ACOT12: variants seen among roughly 807,000 people sequenced by gnomAD.
The protein encoded by ACOT12 is acyl-CoA thioesterase 12, also known as acetyl-coenzyme A thioesterase.
Under a neutral mutation model 67.7 loss-of-function variants are expected in ACOT12, and 51 were observed. The observed-to-expected ratio is 0.75, with a 90% CI of 0.60 to 0.95. The LOEUF is 0.95. Among genes scored for constraint, ACOT12 ranks in the 40% least tolerant of loss-of-function variants. The pLI is 0.00. For synonymous variants in ACOT12, 251 were observed against 244.6 expected, an observed-to-expected ratio of 1.03 and a Z score of -0.24; for missense variants, 734 against 708.1, an observed-to-expected ratio of 1.04 and a Z score of -0.41.
chr5:81,335,687 A>T, intron 12 of ACOT12, 81 bp downstream of exon 12: 1 of 1,465,228 alleles, frequency 6.8e-7, no homozygotes, highest in Non-Finnish European at 9.3e-7. Context: ...ACATTGGACG[A>T]TGGAGATGGA....
At chr5:81,340,354 GTTGTT>G (rs917727218) in intron 11 of ACOT12, among the ~76,000 whole-genome samples, 9 of 150,200 alleles carry the variant, frequency 6.0e-5, no homozygotes, top group Admixed American at 1.3e-4. Flanking sequence ...ATGATTGTTT[GTTGTT>G]TTGTTTTGTT....
At chr5:81,370,571 T>C (rs1313070339) in intron 3 of ACOT12, among the ~76,000 whole-genome samples, 1 of 152,166 alleles carries the variant, frequency 6.6e-6, no homozygotes, top group Non-Finnish European at 1.5e-5. Context: ...CACGTGAAGA[T>C]GAAGGCAGAG....
At chr5:81,314,490 C>T in the ACOT12 span, among the ~76,000 whole-genome samples, 6 of 152,128 alleles carry the variant, frequency 3.9e-5, no homozygotes, top group African/African-American at 9.7e-5. Flanking sequence ...ACATTAAACA[C>T]GTGTAGAGAC....
intron 5 of ACOT12, among the ~76,000 whole-genome samples, chr5:81,354,673 CT>C: frequency 6.6e-6 from 1 of 151,944 alleles, no homozygotes; most frequent in Middle Eastern, 3.4e-3. Context: ...TAATTAACTT[CT>C]TCCTCAATAA....
chr5:81,324,235 C>A, the ACOT12 span, among the ~76,000 whole-genome samples: 155 of 152,224 alleles, frequency 1.0e-3, no homozygotes, highest in African/African-American at 3.7e-3. Flanking sequence ...GCCACTGTGC[C>A]AGGCAGGGAA....
the ACOT12 span, among the ~76,000 whole-genome samples, chr5:81,323,277 G>A: frequency 1.3e-5 from 2 of 152,118 alleles, no homozygotes; most frequent in South Asian, 2.1e-4. Flanking sequence ...CCGTGGGTCA[G>A]AGATCTAGGC....
rs1347600412 is a variant in ACOT12 at position 81,335,790 on chromosome 5, G to T, written c.1240C>A (p.Pro414Thr). 30 of 1,611,398 alleles carry T rather than the reference G, an allele frequency of 1.9e-5. No homozygotes were observed. Among genetic ancestry groups the T allele is most frequent in the Non-Finnish European group, 2.5e-5 (29 of 1,179,330 alleles). Residue 414 changes from proline (P) to threonine (T), a missense_variant, in exon 12 of 15, where the codon CCT becomes ACT. Coordinates refer to ENST00000307624, the MANE Select transcript of ACOT12 (RefSeq NM_130767.3). ...TACACAAAATGGGGGTCCCACAAAG[G>T]TCGCTTTGTAAAGTCAGACAAGAGA... ...YRLLSDFTKR[P>T]LWDPHFVSCE...
intron 11 of ACOT12, among the ~76,000 whole-genome samples, chr5:81,338,106 T>C (rs1298767167): frequency 1.3e-5 from 2 of 152,198 alleles, no homozygotes; most frequent in Non-Finnish European, 2.9e-5. Flanking sequence ...AATGCAGTAG[T>C]TAGTTTTGGT....
At chr5:81,317,947 A>G in the ACOT12 span, among the ~76,000 whole-genome samples, 1 of 151,016 alleles carries the variant, frequency 6.6e-6, no homozygotes, top group African/African-American at 2.4e-5. Context: ...CAGTGGCACA[A>G]TCTCCGCTCA....
chr5:81,321,811 G>A, the ACOT12 span, among the ~76,000 whole-genome samples: 1 of 152,120 alleles, frequency 6.6e-6, no homozygotes, highest in African/African-American at 2.4e-5. Context: ...TCTGGGCATG[G>A]TGGTGCATGC....
chr5:81,364,490 C>A (rs1208133928), intron 3 of ACOT12, among the ~76,000 whole-genome samples: 1 of 151,732 alleles, frequency 6.6e-6, no homozygotes, highest in East Asian at 1.9e-4. Context: ...TGCAGTGGCA[C>A]GATCTTGGCT....
At chr5:81,327,720 C>T (rs1313738990), downstream of ACOT12, among the ~76,000 whole-genome samples, 1 of 152,214 alleles carries the variant, frequency 6.6e-6, no homozygotes, top group Non-Finnish European at 1.5e-5. Flanking sequence ...GGATTACAGG[C>T]GTGAGCCACC....
At chr5:81,393,768 T>C (rs1430882627) in intron 1 of ACOT12, among the ~76,000 whole-genome samples, 1 of 151,946 alleles carries the variant, frequency 6.6e-6, no homozygotes, top group Non-Finnish European at 1.5e-5. Context: ...TCCTCACTTG[T>C]TTAATGGAAT....
At position 81,362,529 on chromosome 5, in the gene ACOT12, G is replaced by A. The variant is rs77821014; in HGVS notation, c.360+1259C>T. ...AGGGAGAAGTCTGAGGCTGGAGGGGGAATATGACGGTCTTCCTCTGCTGCC... is the reference window on the plus strand; with the variant it reads ...AGGGAGAAGTCTGAGGCTGGAGGGGAAATATGACGGTCTTCCTCTGCTGCC... On this transcript the variant is annotated intron_variant, in intron 4 of 14. Transcript: ENST00000307624. 5.8e-3 allele frequency among the ~76,000 whole-genome samples: 890 copies of A among 152,256 alleles called. 6 individuals carry two copies. Among genetic ancestry groups the A allele is most frequent in the African/African-American group, 0.021 (859 of 41,552 alleles).
chr5:81,330,721 A>G, intron 14 of ACOT12, 93 bp downstream of exon 14: 1 of 1,550,740 alleles, frequency 6.4e-7, no homozygotes, highest in South Asian at 1.2e-5. Context: ...CACAAATTAC[A>G]AGATTACAAT....
the ACOT12 span, chr5:81,312,674 A>C: frequency 1.3e-6 from 2 of 1,582,590 alleles, no homozygotes; most frequent in South Asian, 2.2e-5. Flanking sequence ...AACAGCTAGC[A>C]CTATCATGAG....
At chr5:81,332,349 G>C in intron 13 of ACOT12, 128 bp downstream of exon 13, 2 of 1,047,952 alleles carry the variant, frequency 1.9e-6, no homozygotes, top group Non-Finnish European at 1.3e-6. Flanking sequence ...ATTCATCTAG[G>C]TATAATTCAA....
rs73766216 is a variant in ACOT12, at chr5:81,354,183, T to C, written c.496+5720A>G. 9.6e-3 allele frequency among the ~76,000 whole-genome samples: 1,467 copies of C among 152,312 alleles called. 18 individuals carry two copies. Among genetic ancestry groups the C allele is most frequent in the African/African-American group, 0.034 (1,406 of 41,574 alleles). On this transcript the variant is annotated intron_variant, in intron 5 of 14. Transcript: ENST00000307624. Reference sequence around the variant, plus strand: ...GTTAGGGCAGATTAAACAAAGCAGATGATAAAAGAAGACTTTGAGAAAAAT... The same window carrying C: ...GTTAGGGCAGATTAAACAAAGCAGACGATAAAAGAAGACTTTGAGAAAAAT...
the ACOT12 span, chr5:81,308,901 T>TG: frequency 6.6e-7 from 1 of 1,515,098 alleles, no homozygotes; most frequent in Middle Eastern, 1.8e-4. Context: ...TTTTATGACT[T>TG]GCCATATGTA....
Sources: gnomAD v4.1 joint callset for allele counts (sites outside exome capture counted in the v4.1 genomes callset) on GRCh38, gnomAD v4.1.1 for gene constraint, MANE v1.5 for transcripts, NCBI Gene and HGNC (gene_info 2026-07-23, HGNC 2026-07-21) for gene names.